PTCD2: variants seen among roughly 807,000 people sequenced by gnomAD.
The protein encoded by PTCD2 is pentatricopeptide repeat domain 2.
Under a neutral mutation model 42.6 loss-of-function variants are expected in PTCD2, and 31 were observed. The observed-to-expected ratio is 0.73, with a 90% CI of 0.55 to 0.98. PTCD2 has a LOEUF of 0.98. Ranked by LOEUF, PTCD2 falls within the 50% of genes least tolerant of loss-of-function variation. PTCD2 has a pLI of 0.00. For missense variants in PTCD2, 476 were observed against 454.8 expected (o/e 1.05, Z -0.42); for synonymous variants, 183 against 170.9 (o/e 1.07, Z -0.55).
chr5:72,330,329 A>G (rs927517647), intron 3 of PTCD2, among the ~76,000 whole-genome samples: 8 of 152,144 alleles, frequency 5.3e-5, no homozygotes, highest in African/African-American at 1.9e-4. Context: ...TGCATTTAGA[A>G]TAGACTAGCG....
At chr5:72,351,329 C>T (rs1752611424) in intron 8 of PTCD2, among the ~76,000 whole-genome samples, 1 of 152,066 alleles carries the variant, frequency 6.6e-6, no homozygotes, top group Non-Finnish European at 1.5e-5. Context: ...CACTACAGTA[C>T]CCAGTTTTGA....
chr5:72,321,711 C>A (rs1051751618), intron 1 of PTCD2, among the ~76,000 whole-genome samples: 1 of 152,192 alleles, frequency 6.6e-6, no homozygotes, highest in African/African-American at 2.4e-5. Context: ...TCACAGAGGA[C>A]AAAACTGGGA....
chr5:72,333,204 T>A (rs1485683084), intron 4 of PTCD2, among the ~76,000 whole-genome samples: 1 of 152,184 alleles, frequency 6.6e-6, no homozygotes, highest in Non-Finnish European at 1.5e-5. Flanking sequence ...ACCTGCATGT[T>A]CTTCCTCAGC....
intron 2 of PTCD2, 27 bp downstream of exon 2, chr5:72,322,291 G>T (rs1302476607): frequency 7.6e-7 from 1 of 1,309,468 alleles, no homozygotes; most frequent in African/African-American, 1.5e-5. Context: ...TGTTAATTCT[G>T]TCATTTATCT....
At chr5:72,347,850 C>G (rs1298029454) in intron 8 of PTCD2, among the ~76,000 whole-genome samples, 1 of 152,054 alleles carries the variant, frequency 6.6e-6, no homozygotes, top group African/African-American at 2.4e-5. Context: ...TGCTTGCCCA[C>G]CAGGCAGCAG....
At chr5:72,344,083 A>G (rs763658774) in intron 8 of PTCD2, among the ~76,000 whole-genome samples, 24 of 152,206 alleles carry the variant, frequency 1.6e-4, no homozygotes, top group Non-Finnish European at 3.2e-4. Flanking sequence ...GGCCGGCAGG[A>G]GCAACGTGAG....
At chr5:72,348,099 T>G (rs1437335668) in intron 8 of PTCD2, among the ~76,000 whole-genome samples, 2 of 152,202 alleles carry the variant, frequency 1.3e-5, no homozygotes, top group African/African-American at 2.4e-5. Flanking sequence ...TGTTGCAATA[T>G]AAGCCTATGT....
intron 9 of PTCD2, among the ~76,000 whole-genome samples, chr5:72,356,429 TCC>T (rs1268930936): frequency 6.6e-6 from 1 of 152,226 alleles, no homozygotes; most frequent in African/African-American, 2.4e-5. Flanking sequence ...TTCATATAAC[TCC>T]AGTAGCTTTT....
chr5:72,365,821 A>G lies in PTCD2; in HGVS notation c.*7394A>G, dbSNP rs1236225757. ...TAGAAGATCATAATCGATTTTTAAC[A>G]CATTGGTCCTTAGGTGATACAGAAT... On this transcript the variant is annotated 3_prime_UTR_variant, in exon 10 of 10. Transcript: ENST00000380639. 2.0e-5 allele frequency: 3 copies of G among 152,232 alleles called. No homozygotes were observed. Among genetic ancestry groups the G allele is most frequent in the African/African-American group, 7.2e-5 (3 of 41,452 alleles). The allele number at this position is 152,232 out of a possible 1,614,324, so 9.4% of individuals were successfully genotyped here.
chr5:72,347,978 A>C (rs2112209334), intron 8 of PTCD2, among the ~76,000 whole-genome samples: 1 of 152,332 alleles, frequency 6.6e-6, no homozygotes, highest in Admixed American at 6.5e-5. Context: ...AGTATGAATC[A>C]TCCTCTCTGA....
At chr5:72,352,225 G>A (rs749537190) in intron 8 of PTCD2, among the ~76,000 whole-genome samples, 1 of 152,126 alleles carries the variant, frequency 6.6e-6, no homozygotes, top group Non-Finnish European at 1.5e-5. Flanking sequence ...TCGTCTCACT[G>A]CAACCTCCGC....
chr5:72,351,929 G>A (rs1237316168), intron 8 of PTCD2, among the ~76,000 whole-genome samples: 1 of 152,124 alleles, frequency 6.6e-6, no homozygotes, highest in Non-Finnish European at 1.5e-5. Context: ...AGTATCTTCT[G>A]TATACTGGTA....
rs1307785579 is a variant in PTCD2 at position 72,335,888 on chromosome 5, A to T, written c.639+3A>T. ...CTTTTGCAATTTGCTACAAACTGGT[A>T]AGACTCTTTCCTCTTAACTTTGAGA... On this transcript the variant is annotated splice_donor_region_variant and intron_variant, in intron 6 of 9. Coordinates refer to ENST00000380639, the MANE Select transcript of PTCD2 (RefSeq NM_024754.5). The T allele has an allele frequency of 1.3e-6, 2 of 1,579,182 alleles. No individual in the cohort carries two copies. The highest frequency in any genetic ancestry group is 1.7e-6 in the Non-Finnish European group (2 of 1,148,264).
At chr5:72,335,455 CA>C (rs11397039) in intron 5 of PTCD2, 2,219 of 122,330 alleles carry the variant, frequency 0.018, no homozygotes, top group East Asian at 0.058. Context: ...GACTCCGTCT[CA>C]AAAAAAAAAA....
rs1432225498 is a variant in PTCD2 at position 72,367,472 on chromosome 5, CTG to C, written c.*9047_*9048del. ...CAACTGATGAGGTAAAAGAAACAAA[CTG>C]TTAATGACTCTAAACAATGTGGCCC... On this transcript the variant is annotated 3_prime_UTR_variant, in exon 10 of 10. Coordinates refer to ENST00000380639, the MANE Select transcript of PTCD2 (RefSeq NM_024754.5). The C allele has an allele frequency of 6.6e-6, 1 of 152,216 alleles. No homozygotes were observed. 9.4% of individuals were successfully genotyped at this position (152,216 alleles called of 1,614,324 possible). A position where few individuals can be genotyped will look rare whatever the true frequency, so the allele number is the denominator to read the frequency against.
In PTCD2 at chr5:72,365,648, A is replaced by G. The variant is rs1450846184; in HGVS notation, c.*7221A>G. Reference sequence around the variant, plus strand: ...TTAACCTTCCATTTTATAGCTGCAAATTACTGGGTTGATGTCAGGTAGGGT... The same window carrying G: ...TTAACCTTCCATTTTATAGCTGCAAGTTACTGGGTTGATGTCAGGTAGGGT... On this transcript the variant is annotated 3_prime_UTR_variant, in exon 10 of 10. Coordinates refer to ENST00000380639, the MANE Select transcript of PTCD2 (RefSeq NM_024754.5). 1 of 152,172 alleles carries G rather than the reference A, an allele frequency of 6.6e-6. No individual in the cohort carries two copies. The highest frequency in any genetic ancestry group is 2.4e-5 in the African/African-American group (1 of 41,424). 9.4% of individuals were successfully genotyped at this position (152,172 alleles called of 1,614,324 possible).
chr5:72,361,624 T>C lies in PTCD2; in HGVS notation c.*3197T>C, dbSNP rs1753096093. The C allele has an allele frequency of 6.6e-6, 1 of 152,212 alleles. No homozygotes were observed. The highest frequency in any genetic ancestry group is 1.5e-5 in the Non-Finnish European group (1 of 68,042). The allele number at this position is 152,212 out of a possible 1,614,324, so 9.4% of individuals were successfully genotyped here. ...TCTCAGTGGTAGGAATTTCAAAGAA[T>C]AAATTCTGTGAAACTGTAGTAGATA... On this transcript the variant is annotated 3_prime_UTR_variant, in exon 10 of 10. Coordinates refer to ENST00000380639, the MANE Select transcript of PTCD2 (RefSeq NM_024754.5).
rs931434965 is a variant in PTCD2, at chr5:72,366,544, C to T, written c.*8117C>T. 6.6e-6 allele frequency: 1 copy of T among 152,198 alleles called. No homozygotes were observed. Among genetic ancestry groups the T allele is most frequent in the African/African-American group, 2.4e-5 (1 of 41,450 alleles). 9.4% of individuals were successfully genotyped at this position (152,198 alleles called of 1,614,324 possible). On this transcript the variant is annotated 3_prime_UTR_variant, in exon 10 of 10. Coordinates refer to ENST00000380639, the MANE Select transcript of PTCD2 (RefSeq NM_024754.5). ...TGCTGTCAGTAGCAGAGCTGAAGAA[C>T]TTACAATAGACGGCAGAGGGCGTCC...
chr5:72,346,733 T>C (rs1752378534), intron 8 of PTCD2, among the ~76,000 whole-genome samples: 1 of 152,178 alleles, frequency 6.6e-6, no homozygotes, highest in African/African-American at 2.4e-5. Flanking sequence ...GGTATTCCAG[T>C]ATATAATTGC....
Sources: allele counts gnomAD v4.1 joint callset (sites outside exome capture counted in the v4.1 genomes callset), GRCh38; gene constraint gnomAD v4.1.1; transcripts MANE v1.5; gene names NCBI Gene and HGNC (gene_info 2026-07-23, HGNC 2026-07-21).